Variants in SKIC8 observed in about 807,000 individuals in gnomAD.
SKIC8 encodes the protein SKI8 subunit of superkiller complex, also known as superkiller complex protein 8.
the SKIC8 span, chr15:78,295,608 A>C: frequency 6.2e-7 from 1 of 1,607,586 alleles, no homozygotes; most frequent in South Asian, 1.1e-5. Flanking sequence ...ACACATCCAG[A>C]AAACCTACTG....
the SKIC8 span, chr15:78,293,380 A>G: frequency 7.9e-6 from 9 of 1,135,506 alleles, no homozygotes; most frequent in African/African-American, 4.6e-5. Flanking sequence ...TTGCTTTACT[A>G]TTTTACAAAG....
the SKIC8 span, chr15:78,295,376 C>T: frequency 6.6e-6 from 4 of 604,424 alleles, no homozygotes; most frequent in Non-Finnish European, 1.2e-5. Context: ...AGATATGTTT[C>T]TCCTGTTCTA....
the SKIC8 span, among the ~76,000 whole-genome samples, chr15:78,298,345 G>A: frequency 1.3e-5 from 2 of 152,148 alleles, no homozygotes; most frequent in Non-Finnish European, 1.5e-5. Flanking sequence ...CAATGAATCC[G>A]GTCCTATTTT....
At chr15:78,289,445 CAAAAA>C in the SKIC8 span, among the ~76,000 whole-genome samples, 1 of 151,644 alleles carries the variant, frequency 6.6e-6, no homozygotes, top group Non-Finnish European at 1.5e-5. Context: ...AACAAAAAAA[CAAAAA>C]AAACTATAGT....
chr15:78,287,788 C>T, the SKIC8 span, among the ~76,000 whole-genome samples: 1 of 152,188 alleles, frequency 6.6e-6, no homozygotes, highest in Non-Finnish European at 1.5e-5. Flanking sequence ...GGATGATTAA[C>T]TTGCTTCTAT....
chr15:78,289,454 C>T, the SKIC8 span, among the ~76,000 whole-genome samples: 4 of 151,948 alleles, frequency 2.6e-5, no homozygotes, highest in Admixed American at 1.3e-4. Flanking sequence ...ACAAAAAAAA[C>T]TATAGTGACA....
chr15:78,294,881 G>A, the SKIC8 span: 1 of 1,602,596 alleles, frequency 6.2e-7, no homozygotes, highest in Middle Eastern at 1.7e-4. Context: ...CATGACAAAA[G>A]TCTTAAACCA....
the SKIC8 span, chr15:78,286,419 A>G: frequency 3.3e-6 from 1 of 304,546 alleles, no homozygotes; most frequent in Non-Finnish European, 6.1e-6. Flanking sequence ...AAAGAACCAC[A>G]CTACAGAGGC....
the SKIC8 span, chr15:78,292,988 G>A: frequency 1.2e-6 from 1 of 837,904 alleles, no homozygotes; most frequent in South Asian, 1.9e-5. Flanking sequence ...TAACTTTAGG[G>A]CTTTAATACA....
the SKIC8 span, among the ~76,000 whole-genome samples, chr15:78,297,149 A>C: frequency 1.3e-5 from 2 of 152,228 alleles, no homozygotes; most frequent in Non-Finnish European, 2.9e-5. Context: ...GCACCTCAGC[A>C]CTATGCTTGG....
chr15:78,289,601 T>C, the SKIC8 span: 5 of 1,578,452 alleles, frequency 3.2e-6, no homozygotes, highest in Non-Finnish European at 4.3e-6. Context: ...TTTGTCAAAA[T>C]AAGATGATGA....
chr15:78,285,941 T>TA, the SKIC8 span: 1 of 980,552 alleles, frequency 1.0e-6, no homozygotes, highest in Non-Finnish European at 1.4e-6. Context: ...GCTAACTGAA[T>TA]AAAAAAGGGT....
chr15:78,290,325 T>G, the SKIC8 span, among the ~76,000 whole-genome samples: 2 of 152,210 alleles, frequency 1.3e-5, no homozygotes, highest in African/African-American at 2.4e-5. Context: ...AGCAAGGATG[T>G]GGAGAAACCA....
chr15:78,288,882 A>G, the SKIC8 span: 4 of 444,410 alleles, frequency 9.0e-6, no homozygotes. Flanking sequence ...TCCAGAGGCC[A>G]CCGGTGTGGA....
the SKIC8 span, chr15:78,286,066 G>A: frequency 6.2e-7 from 1 of 1,613,908 alleles, no homozygotes. Context: ...GTGTCATCAG[G>A]ACAGAATGCA....
the SKIC8 span, chr15:78,283,394 A>G: frequency 6.6e-7 from 1 of 1,526,540 alleles, no homozygotes; most frequent in Non-Finnish European, 9.1e-7. Flanking sequence ...ATCAATCCGT[A>G]CATTCTCTTT....
the SKIC8 span, chr15:78,292,858 G>A: frequency 1.3e-6 from 2 of 1,568,666 alleles, no homozygotes; most frequent in African/African-American, 1.4e-5. Context: ...GAAATTCTGG[G>A]TCCCTGTGAC....
chr15:78,294,166 T>C, the SKIC8 span, among the ~76,000 whole-genome samples: 3 of 152,216 alleles, frequency 2.0e-5, no homozygotes, highest in Non-Finnish European at 4.4e-5. Context: ...TATAAGGTAG[T>C]TGACTGGCAT....
At chr15:78,296,223 T>G in the SKIC8 span, among the ~76,000 whole-genome samples, 1 of 151,704 alleles carries the variant, frequency 6.6e-6, no homozygotes, top group African/African-American at 2.4e-5. Context: ...CTGGCTGACA[T>G]GGTGAAACCA....
Sources: gnomAD v4.1 joint callset for allele counts (sites outside exome capture counted in the v4.1 genomes callset) on GRCh38, gnomAD v4.1.1 for gene constraint, MANE v1.5 for transcripts, NCBI Gene and HGNC (gene_info 2026-07-23, HGNC 2026-07-21) for gene names.